R3HDM2: variants seen among roughly 807,000 people sequenced by gnomAD.
R3HDM2 encodes R3H domain containing 2, also known as R3H domain-containing protein 2.
Under a neutral mutation model 124.5 loss-of-function variants are expected in R3HDM2, and 38 were observed. That is an observed-to-expected ratio of 0.31 (90% CI 0.24 to 0.40). The LOEUF (loss-of-function observed/expected upper bound fraction) is 0.40, where lower values mean the gene tolerates loss of function less well. Ranked by LOEUF, R3HDM2 falls within the 10% of genes least tolerant of loss-of-function variation. The pLI is 1.00. For missense variants in R3HDM2, 869 were observed against 1,236.9 expected (o/e 0.70, Z 4.46); for synonymous variants, 391 against 448.0 (o/e 0.87, Z 1.61).
chr12:57,408,905 A>C (rs375243987), intron 1 of R3HDM2, among the ~76,000 whole-genome samples: 49 of 151,354 alleles, frequency 3.2e-4, no homozygotes, highest in African/African-American at 1.2e-3. Flanking sequence ...TTTGTATACT[A>C]ATCTTTAAAG....
chr12:57,255,906 G>A, intron 23 of R3HDM2, 84 bp downstream of exon 23: 1 of 1,245,166 alleles, frequency 8.0e-7, no homozygotes, highest in Non-Finnish European at 1.1e-6. Flanking sequence ...TCCTAAGCTG[G>A]CTTTTCCCAC....
chr12:57,423,449 T>C (rs1017038997), intron 1 of R3HDM2, among the ~76,000 whole-genome samples: 1 of 148,960 alleles, frequency 6.7e-6, no homozygotes, highest in Non-Finnish European at 1.5e-5. Flanking sequence ...AGAGATCTGT[T>C]AAATTTTACA....
chr12:57,339,040 C>T (rs1294951628), intron 2 of R3HDM2, among the ~76,000 whole-genome samples: 1 of 151,956 alleles, frequency 6.6e-6, no homozygotes, highest in Non-Finnish European at 1.5e-5. Flanking sequence ...ATGTGTGTGT[C>T]TTTTTAAAAG....
chr12:57,349,920 A>G (rs1221739735), intron 2 of R3HDM2, among the ~76,000 whole-genome samples: 1 of 152,016 alleles, frequency 6.6e-6, no homozygotes, highest in Non-Finnish European at 1.5e-5. Flanking sequence ...TTATTAAAAT[A>G]CATTAAACTC....
chr12:57,405,302 T>A (rs748295440), intron 1 of R3HDM2, among the ~76,000 whole-genome samples: 10 of 152,224 alleles, frequency 6.6e-5, no homozygotes, highest in Non-Finnish European at 1.3e-4. Flanking sequence ...ATTACTTTTG[T>A]AATTTGAAAA....
intron 1 of R3HDM2, among the ~76,000 whole-genome samples, chr12:57,428,368 A>T (rs1372091167): frequency 1.3e-5 from 2 of 152,056 alleles, no homozygotes; most frequent in South Asian, 2.1e-4. Flanking sequence ...GCGGTGGCTC[A>T]TGCCTGTAAT....
chr12:57,258,871 G>A lies in R3HDM2; in HGVS notation c.2301+19C>T. On this transcript the variant is annotated intron_variant, in intron 20 of 23. Coordinates refer to ENST00000402412, the MANE Select transcript of R3HDM2 (RefSeq NM_001394031.1). ...TACGGTCATCTCCTTGCCAAGACAA[G>A]GCTGAGTGCTGCACTCACCTGGGGG... 1.3e-6 allele frequency: 2 copies of A among 1,494,228 alleles called. No homozygotes were observed. The highest frequency in any genetic ancestry group is 1.4e-5 in the African/African-American group (1 of 70,054). 92.6% of individuals were successfully genotyped at this position (1,494,228 alleles called of 1,614,324 possible).
intron 23 of R3HDM2, among the ~76,000 whole-genome samples, chr12:57,255,470 A>C (rs1218314612): frequency 6.6e-6 from 1 of 152,204 alleles, no homozygotes; most frequent in African/African-American, 2.4e-5. Context: ...TAATGTATCA[A>C]TCTGAAATAT....
intron 1 of R3HDM2, among the ~76,000 whole-genome samples, chr12:57,397,947 G>C (rs925248026): frequency 6.6e-6 from 1 of 152,174 alleles, no homozygotes; most frequent in Non-Finnish European, 1.5e-5. Flanking sequence ...ACTTTGGGAG[G>C]CTAAGGCGGG....
chr12:57,269,938 A>G lies in R3HDM2; in HGVS notation c.1401T>C (p.Thr467=), dbSNP rs916157548. The G allele has an allele frequency of 6.2e-7, 1 of 1,614,218 alleles. No homozygotes were observed. Among genetic ancestry groups the G allele is most frequent in the Non-Finnish European group, 8.5e-7 (1 of 1,180,030 alleles). ...GQMSLSRQGS[T]EAADPSAALF... ...GAGCTGCAGATGGGTCAGCTGCTTC[A>G]GTAGAACCTTGGCGACTAAGGCTCA... is the stretch of plus-strand genomic sequence containing the variant. The change falls in exon 15 of 24, where the codon ACT becomes ACC. Residue 467 remains threonine, a synonymous_variant. Transcript: ENST00000402412.
chr12:57,340,396 G>A (rs541152983), intron 2 of R3HDM2, among the ~76,000 whole-genome samples: 1 of 152,246 alleles, frequency 6.6e-6, no homozygotes, highest in African/African-American at 2.4e-5. Flanking sequence ...AGGATGTGGT[G>A]GAATTTCCCT....
chr12:57,406,907 T>C (rs1453239692), intron 1 of R3HDM2, among the ~76,000 whole-genome samples: 1 of 152,168 alleles, frequency 6.6e-6, no homozygotes, highest in Non-Finnish European at 1.5e-5. Context: ...GATGACCCAA[T>C]TTCTTTAATA....
intron 2 of R3HDM2, among the ~76,000 whole-genome samples, chr12:57,347,525 CAAAAT>C (rs1295311857): frequency 1.3e-5 from 2 of 151,880 alleles, no homozygotes; most frequent in Non-Finnish European, 2.9e-5. Context: ...AGAAAAAACA[CAAAAT>C]AAGATGGTAG....
intron 2 of R3HDM2, among the ~76,000 whole-genome samples, chr12:57,344,944 C>T (rs1225122638): frequency 3.3e-5 from 5 of 152,006 alleles, no homozygotes; most frequent in Admixed American, 6.6e-5. Flanking sequence ...AAGCGATTCT[C>T]CTGCCTCAGC....
At chr12:57,349,379 CAAAAAAAAAAAAAAAAA>C (rs1161831845) in intron 2 of R3HDM2, among the ~76,000 whole-genome samples, 8 of 57,776 alleles carry the variant, frequency 1.4e-4, no homozygotes, top group South Asian at 6.2e-4. Context: ...ACTCCGTCTC[CAAAAAAAAAAAAAAAAA>C]AAAAAAAAAA....
chr12:57,258,876 A>G lies in R3HDM2; in HGVS notation c.2301+14T>C. ...TCATCTCCTTGCCAAGACAAGGCTG[A>G]GTGCTGCACTCACCTGGGGGCTGCT... On this transcript the variant is annotated intron_variant, in intron 20 of 23. Coordinates refer to ENST00000402412, the MANE Select transcript of R3HDM2 (RefSeq NM_001394031.1). 6.7e-7 allele frequency: 1 copy of G among 1,501,706 alleles called. No homozygotes were observed. The highest frequency in any genetic ancestry group is 1.3e-5 in the South Asian group (1 of 74,272). 93.0% of individuals were successfully genotyped at this position (1,501,706 alleles called of 1,614,324 possible). A position where few individuals can be genotyped will look rare whatever the true frequency, so the allele number is the denominator to read the frequency against.
chr12:57,279,982 TG>T (rs554614645), intron 14 of R3HDM2, among the ~76,000 whole-genome samples: 54 of 152,224 alleles, frequency 3.5e-4, no homozygotes, highest in African/African-American at 1.3e-3. Flanking sequence ...CAGATGATGG[TG>T]GAAGTTATAA....
chr12:57,338,822 G>T (rs1455590721), intron 2 of R3HDM2, among the ~76,000 whole-genome samples: 1 of 149,332 alleles, frequency 6.7e-6, no homozygotes, highest in African/African-American at 2.5e-5. Flanking sequence ...TTTTTCAAAG[G>T]GAGAGAGAGA....
chr12:57,366,923 A>G (rs1292093047), intron 2 of R3HDM2, among the ~76,000 whole-genome samples: 1 of 151,944 alleles, frequency 6.6e-6, no homozygotes, highest in Non-Finnish European at 1.5e-5. Flanking sequence ...ATCTGACCTC[A>G]TGATCCGCCC....
Sources: gnomAD v4.1 joint callset for allele counts (sites outside exome capture counted in the v4.1 genomes callset) on GRCh38, gnomAD v4.1.1 for gene constraint, MANE v1.5 for transcripts, NCBI Gene and HGNC (gene_info 2026-07-23, HGNC 2026-07-21) for gene names.